The following SCAPER variants were observed in gnomAD, a reference collection of about 807,000 sequenced individuals.
The protein encoded by SCAPER is S phase cyclin A-associated protein in the endoplasmic reticulum.
In SCAPER, 98 loss-of-function variants were observed where a neutral mutation model predicts 182.2. The observed-to-expected ratio is 0.54, with a 90% confidence interval of 0.46 to 0.64. The LOEUF (loss-of-function observed/expected upper bound fraction) is 0.64. Ranked by LOEUF, SCAPER falls within the 30% of genes least tolerant of loss-of-function variation. SCAPER has a pLI of 0.00. For synonymous variants in SCAPER, 605 were observed against 564.6 expected (o/e 1.07, Z -1.01); for missense variants, 1,432 against 1,690.0 (o/e 0.85, Z 2.68).
intron 20 of SCAPER, among the ~76,000 whole-genome samples, chr15:76,700,831 T>C (rs2058902396): frequency 6.6e-6 from 1 of 152,186 alleles, no homozygotes; most frequent in Admixed American, 6.5e-5. Context: ...TAAGCATGAA[T>C]GTATGAAGTC....
intron 23 of SCAPER, among the ~76,000 whole-genome samples, chr15:76,568,201 A>G (rs1268726379): frequency 7.5e-4 from 13 of 17,326 alleles, no homozygotes; most frequent in Non-Finnish European, 7.5e-3. Flanking sequence ...ATATATATAT[A>G]TATATATATA....
At chr15:76,574,036 G>A (rs1353896890) in intron 23 of SCAPER, 122 bp downstream of exon 23, 3 of 895,038 alleles carry the variant, frequency 3.4e-6, no homozygotes, top group African/African-American at 1.7e-5. Flanking sequence ...ATCTATTATT[G>A]ACTAGCTTTA....
intron 24 of SCAPER, chr15:76,498,746 G>A (rs529471867): frequency 6.6e-6 from 1 of 152,222 alleles, no homozygotes; most frequent in African/African-American, 2.4e-5. Flanking sequence ...CAAAGGATGA[G>A]GTAAATGCAA....
Position 76,535,779 on chromosome 15 carries a change from C to A in SCAPER, c.2839-30805G>T, listed in dbSNP as rs1314788065. 3.3e-5 allele frequency among the ~76,000 whole-genome samples: 5 copies of A among 152,128 alleles called. No homozygotes were observed. The East Asian group carries it at 9.7e-4, about 29-fold the overall frequency. On this transcript the variant is annotated intron_variant, in intron 23 of 31. Transcript: ENST00000563290. ...CTAAAGGAGTCTTGTTAAGGTAGAT[C>A]AGTTACTTATAAAGTGGTCATCAGT...
chr15:76,875,142 A>G (rs966462561), intron 2 of SCAPER, among the ~76,000 whole-genome samples: 1 of 152,206 alleles, frequency 6.6e-6, no homozygotes, highest in African/African-American at 2.4e-5. Context: ...CTATGACCAG[A>G]TGGGTTTCAC....
At chr15:76,690,670 T>C (rs149439635) in intron 20 of SCAPER, among the ~76,000 whole-genome samples, 2,162 of 152,176 alleles carry the variant, frequency 0.014, 22 homozygotes, top group Non-Finnish European at 0.023. Context: ...TAAAATAAAG[T>C]TCACTAGAAA....
In SCAPER at chr15:76,831,768, C is replaced by T. The variant is rs191137475; in HGVS notation, c.393+9966G>A. Among the ~76,000 whole-genome samples the T allele has an allele frequency of 5.3e-5, 8 of 152,234 alleles. 1 individual carries two copies. The East Asian group carries it at 1.2e-3, about 22-fold the overall frequency. ...GGTTGTCAGCTGACTGGGAGTACCT[C>T]GGTCCCTCAAGTGCAGCAGGTGCTT... On this transcript the variant is annotated intron_variant, in intron 5 of 31. Transcript: ENST00000563290.
rs1382378321 is a variant in SCAPER, at chr15:76,720,194, C to A, written c.2165+8401G>T. Among the ~76,000 whole-genome samples, 5 of 150,578 alleles carry A rather than the reference C, an allele frequency of 3.3e-5. No homozygotes were observed. The South Asian group carries it at 1.0e-3, about 32-fold the overall frequency. Reference sequence around the variant, plus strand: ...AACATGTGGTGTTCGGTTTTTTGTCCTTGCGATAGTTTGCTGAGAATGATG... The same window carrying A: ...AACATGTGGTGTTCGGTTTTTTGTCATTGCGATAGTTTGCTGAGAATGATG... On this transcript the variant is annotated intron_variant, in intron 17 of 31. Coordinates refer to ENST00000563290, the MANE Select transcript of SCAPER (RefSeq NM_020843.4).
chr15:76,550,253 G>C (rs2045646616), intron 23 of SCAPER, among the ~76,000 whole-genome samples: 1 of 152,108 alleles, frequency 6.6e-6, no homozygotes, highest in South Asian at 2.1e-4. Context: ...TGTTACATAG[G>C]TAAGTGTGTG....
At chr15:76,549,338 C>T (rs1194024948) in intron 23 of SCAPER, among the ~76,000 whole-genome samples, 1 of 152,106 alleles carries the variant, frequency 6.6e-6, no homozygotes, top group East Asian at 1.9e-4. Context: ...TTCACAACAG[C>T]AAAGACTTGG....
At chr15:76,405,025 T>C (rs866231547) in intron 26 of SCAPER, among the ~76,000 whole-genome samples, 25 of 152,290 alleles carry the variant, frequency 1.6e-4, no homozygotes, top group African/African-American at 5.3e-4. Context: ...ACTGTTCCTT[T>C]TTAAAGTACT....
At chr15:76,668,713 CA>C (rs1364785158) in intron 20 of SCAPER, among the ~76,000 whole-genome samples, 12 of 152,192 alleles carry the variant, frequency 7.9e-5, no homozygotes, top group Non-Finnish European at 2.9e-5. Context: ...CATCCTCAAA[CA>C]TAAGTTTCCC....
At chr15:76,518,930 G>C (rs1477123289) in intron 23 of SCAPER, among the ~76,000 whole-genome samples, 2 of 152,196 alleles carry the variant, frequency 1.3e-5, no homozygotes, top group African/African-American at 4.8e-5. Flanking sequence ...GTTTACTGAA[G>C]AGTTAATATT....
chr15:76,705,858 C>T, intron 18 of SCAPER, 45 bp downstream of exon 18: 1 of 1,365,148 alleles, frequency 7.3e-7, no homozygotes, highest in Non-Finnish European at 1.0e-6. Flanking sequence ...TCATGCTCCA[C>T]TGTAAGCTCT....
intron 20 of SCAPER, among the ~76,000 whole-genome samples, chr15:76,667,906 T>C (rs988381923): frequency 6.6e-6 from 1 of 151,488 alleles, no homozygotes; most frequent in African/African-American, 2.4e-5. Context: ...GAGGTTGCAA[T>C]GAGCCAAGAT....
intron 2 of SCAPER, among the ~76,000 whole-genome samples, chr15:76,875,686 G>A (rs2073091992): frequency 6.6e-6 from 1 of 152,218 alleles, no homozygotes; most frequent in Non-Finnish European, 1.5e-5. Context: ...CTTAAAGACA[G>A]CGTGTCCGGA....
chr15:76,588,497 G>C (rs1234684382), intron 22 of SCAPER, among the ~76,000 whole-genome samples: 1 of 152,132 alleles, frequency 6.6e-6, no homozygotes, highest in Non-Finnish European at 1.5e-5. Context: ...TTATGAGTTA[G>C]GTGAGTCTCT....
chr15:76,656,984 A>T (rs949547473), intron 21 of SCAPER, among the ~76,000 whole-genome samples: 1 of 152,176 alleles, frequency 6.6e-6, no homozygotes, highest in Non-Finnish European at 1.5e-5. Flanking sequence ...TCACATCCAG[A>T]TGAAGTAGAG....
intron 1 of SCAPER, among the ~76,000 whole-genome samples, chr15:76,887,986 C>A (rs2073943532): frequency 6.6e-6 from 1 of 152,190 alleles, no homozygotes; most frequent in African/African-American, 2.4e-5. Context: ...ATTTGCTGTT[C>A]TGCAATATTT....
Sources: gnomAD v4.1 joint callset for allele counts (sites outside exome capture counted in the v4.1 genomes callset) on GRCh38, gnomAD v4.1.1 for gene constraint, MANE v1.5 for transcripts, NCBI Gene and HGNC (gene_info 2026-07-23, HGNC 2026-07-21) for gene names.